Variants in IL1RAPL1 observed in about 807,000 individuals in gnomAD.
IL1RAPL1 encodes interleukin-1 receptor accessory protein-like 1.
Under a neutral mutation model 48.4 loss-of-function variants are expected in IL1RAPL1, and 3 were observed. That is an observed-to-expected ratio of 0.06 (90% CI 0.03 to 0.16). The LOEUF is 0.16. Among genes scored for constraint, IL1RAPL1 ranks in the 10% least tolerant of loss-of-function variants. The probability of loss-of-function intolerance (pLI) is 1.00; values close to 1 mark genes in which losing one functional copy is unlikely to be tolerated. For synonymous variants in IL1RAPL1, 185 were observed against 187.7 expected (o/e 0.99, Z 0.12); for missense variants, 349 against 530.6 (o/e 0.66, Z 3.36).
At chrX:29,850,736 GT>G (rs1485198122) in intron 6 of IL1RAPL1, among the ~76,000 whole-genome samples, 1 of 112,601 alleles carries the variant, frequency 8.9e-6, no homozygotes, top group Non-Finnish European at 1.9e-5. Context: ...CCTTCAGCCA[GT>G]TTTTATTTTT....
intron 5 of IL1RAPL1, among the ~76,000 whole-genome samples, chrX:29,477,035 C>G (rs1273613483): frequency 1.9e-5 from 2 of 106,632 alleles, no homozygotes; most frequent in African/African-American, 3.5e-5. Flanking sequence ...CGCCCGCCAC[C>G]GCGCCCGGCT....
chrX:28,631,884 CAA>C (rs954574211), intron 1 of IL1RAPL1, among the ~76,000 whole-genome samples: 17 of 112,211 alleles, frequency 1.5e-4, no homozygotes, highest in Admixed American at 1.5e-3. Context: ...AGCCTGTGCT[CAA>C]AAGACTCCGA....
intron 1 of IL1RAPL1, among the ~76,000 whole-genome samples, chrX:28,615,630 T>G (rs887952497): frequency 1.8e-5 from 2 of 111,219 alleles, no homozygotes; most frequent in Non-Finnish European, 3.8e-5. Context: ...TCAAAGGCCA[T>G]GGAAGCTTGA....
At chrX:29,366,758 G>C (rs996315209) in intron 3 of IL1RAPL1, among the ~76,000 whole-genome samples, 1 of 107,660 alleles carries the variant, frequency 9.3e-6, no homozygotes, top group Non-Finnish European at 1.9e-5. Context: ...TAGTAGAGAC[G>C]GGGTTTCACC....
At chrX:29,892,692 T>C (rs1601869992) in intron 6 of IL1RAPL1, among the ~76,000 whole-genome samples, 1 of 112,134 alleles carries the variant, frequency 8.9e-6, no homozygotes, top group African/African-American at 3.2e-5. Context: ...GCAGGTTAGA[T>C]GACAGCTTAG....
intron 2 of IL1RAPL1, among the ~76,000 whole-genome samples, chrX:29,168,848 C>A (rs1929852357): frequency 2.3e-5 from 2 of 86,926 alleles, no homozygotes; most frequent in South Asian, 1.1e-3. Context: ...TTCATATGTA[C>A]AATTGTATAT....
chrX:29,681,422 G>C (rs1409060875), intron 6 of IL1RAPL1, among the ~76,000 whole-genome samples: 1 of 112,201 alleles, frequency 8.9e-6, no homozygotes, highest in Non-Finnish European at 1.9e-5. Context: ...TATGAAAGGA[G>C]AATCTCCCCA....
chrX:29,769,610 A>ATTTTTTTTT (rs146650137), intron 6 of IL1RAPL1, among the ~76,000 whole-genome samples: 1 of 43,056 alleles, frequency 2.3e-5, no homozygotes, highest in Non-Finnish European at 3.8e-5. Context: ...TGCCTGGCTA[A>ATTTTTTTTT]TTTTTTTTTT....
At chrX:29,420,702 T>C (rs1258677921) in intron 5 of IL1RAPL1, among the ~76,000 whole-genome samples, 1 of 112,775 alleles carries the variant, frequency 8.9e-6, no homozygotes, top group African/African-American at 3.2e-5. Flanking sequence ...TTTGAAATGT[T>C]TAATAAGCAA....
chrX:28,976,475 T>C (rs1925210588), intron 2 of IL1RAPL1, among the ~76,000 whole-genome samples: 1 of 111,775 alleles, frequency 8.9e-6, no homozygotes, highest in Non-Finnish European at 1.9e-5. Context: ...TGCCATTTAC[T>C]GAGATGGGAA....
intron 5 of IL1RAPL1, among the ~76,000 whole-genome samples, chrX:29,629,546 A>G (rs1924709249): frequency 8.9e-6 from 1 of 111,944 alleles, no homozygotes; most frequent in Admixed American, 9.5e-5. Context: ...TATTCAAGAT[A>G]GTAATATGTA....
chrX:29,559,015 C>G (rs1228861536), intron 5 of IL1RAPL1, among the ~76,000 whole-genome samples: 1 of 111,856 alleles, frequency 8.9e-6, no homozygotes, highest in Non-Finnish European at 1.9e-5. Context: ...ATTCAAAGTC[C>G]TTTGTAGTTA....
intron 6 of IL1RAPL1, among the ~76,000 whole-genome samples, chrX:29,678,342 CTTTTTTTTTTTT>C (rs140827802): frequency 7.4e-4 from 31 of 41,706 alleles, no homozygotes; most frequent in South Asian, 1.6e-3. Flanking sequence ...TTCAACACTA[CTTTTTTTTTTTT>C]TTTTTTTTTT....
chrX:29,858,647 A>G (rs1294522035), intron 6 of IL1RAPL1, among the ~76,000 whole-genome samples: 1 of 111,432 alleles, frequency 9.0e-6, no homozygotes, highest in Non-Finnish European at 1.9e-5. Context: ...GTGTATCTCA[A>G]GATCTTCCCA....
At position 29,590,618 on chromosome X, in the gene IL1RAPL1, C is replaced by A. The variant is rs183467156; in HGVS notation, c.704-77812C>A. ...TAGGATGGCAGTGTCTCTTGCTGAC[C>A]CGCCCATGCTCCTTGACTCTGCAGA... On this transcript the variant is annotated intron_variant, in intron 5 of 10. Coordinates refer to ENST00000378993, the MANE Select transcript of IL1RAPL1 (RefSeq NM_014271.4). 1.8e-3 allele frequency among the ~76,000 whole-genome samples: 203 copies of A among 111,615 alleles called. 1 individual carries two copies. Among genetic ancestry groups the A allele is most frequent in the Admixed American group, 3.4e-3 (36 of 10,512 alleles).
At chrX:29,273,113 A>G (rs1219239729) in intron 2 of IL1RAPL1, among the ~76,000 whole-genome samples, 2 of 111,712 alleles carry the variant, frequency 1.8e-5, no homozygotes, top group African/African-American at 6.5e-5. Context: ...TCCTATTTAT[A>G]TTCTGAATTA....
intron 2 of IL1RAPL1, among the ~76,000 whole-genome samples, chrX:29,267,446 G>A (rs1458884275): frequency 1.8e-5 from 2 of 111,754 alleles, no homozygotes; most frequent in Non-Finnish European, 3.8e-5. Context: ...ATTACTTAAA[G>A]TAGTGGTAAA....
chrX:29,252,108 A>G (rs1246010114), intron 2 of IL1RAPL1, among the ~76,000 whole-genome samples: 1 of 101,782 alleles, frequency 9.8e-6, no homozygotes, highest in East Asian at 3.3e-4. Context: ...CACTCTGGGG[A>G]CTGTTGTGGG....
intron 2 of IL1RAPL1, among the ~76,000 whole-genome samples, chrX:29,236,512 T>C (rs1290890394): frequency 1.2e-4 from 3 of 24,724 alleles, no homozygotes; most frequent in East Asian, 7.8e-4. Flanking sequence ...TTCCTTCTCT[T>C]TTTTTTTTTT....
Sources: allele counts gnomAD v4.1 joint callset (sites outside exome capture counted in the v4.1 genomes callset), GRCh38; gene constraint gnomAD v4.1.1; transcripts MANE v1.5; gene names NCBI Gene and HGNC (gene_info 2026-07-23, HGNC 2026-07-21).